The following NKAIN2 variants were observed in gnomAD, a reference collection of about 807,000 sequenced individuals.
NKAIN2 encodes the protein sodium/potassium transporting ATPase interacting 2.
Under a neutral mutation model 32.6 loss-of-function variants are expected in NKAIN2, and 14 were observed. The observed-to-expected ratio is 0.43, with a 90% CI of 0.28 to 0.67. The LOEUF is 0.67. NKAIN2 is among the 30% of genes least tolerant of loss of function. The probability of loss-of-function intolerance (pLI) is 0.17; values close to 1 mark genes in which losing one functional copy is unlikely to be tolerated. For missense variants in NKAIN2, 198 were observed against 258.3 expected (o/e 0.77, Z 1.60); for synonymous variants, 80 against 87.2 (o/e 0.92, Z 0.46).
intron 1 of NKAIN2, among the ~76,000 whole-genome samples, chr6:124,063,060 C>T (rs1782990184): frequency 6.6e-6 from 1 of 151,964 alleles, no homozygotes; most frequent in Non-Finnish European, 1.5e-5. Flanking sequence ...CTGATGGGTT[C>T]CTGTAATCCC....
intron 1 of NKAIN2, chr6:124,282,189 C>T: frequency 3.5e-6 from 1 of 289,014 alleles, no homozygotes; most frequent in Non-Finnish European, 6.8e-6. Flanking sequence ...TGTTTTTCTC[C>T]TCTCACTGCT....
At chr6:124,722,519 G>C (rs2114635495) in intron 4 of NKAIN2, among the ~76,000 whole-genome samples, 1 of 152,288 alleles carries the variant, frequency 6.6e-6, no homozygotes, top group South Asian at 2.1e-4. Flanking sequence ...TGGATCAGCA[G>C]GCATTAGAGT....
At chr6:124,383,244 A>G (rs1583163609) in intron 3 of NKAIN2, among the ~76,000 whole-genome samples, 2 of 152,056 alleles carry the variant, frequency 1.3e-5, no homozygotes, top group South Asian at 2.1e-4. Context: ...GCTGACATCA[A>G]TTATCAACTC....
chr6:123,980,602 CAG>C (rs1478106576), intron 1 of NKAIN2, among the ~76,000 whole-genome samples: 1 of 152,168 alleles, frequency 6.6e-6, no homozygotes, highest in East Asian at 1.9e-4. Flanking sequence ...AATTACAAAA[CAG>C]AAGGCATTCT....
intron 4 of NKAIN2, among the ~76,000 whole-genome samples, chr6:124,749,999 T>A (rs560211160): frequency 6.6e-6 from 1 of 151,772 alleles, no homozygotes; most frequent in South Asian, 2.1e-4. Context: ...ACATGTGATA[T>A]AATTGAAATA....
chr6:123,910,632 T>G (rs1342042981), intron 1 of NKAIN2, among the ~76,000 whole-genome samples: 1 of 150,946 alleles, frequency 6.6e-6, no homozygotes, highest in East Asian at 2.0e-4. Flanking sequence ...GCCTCCTGAG[T>G]AGCTGGGACT....
chr6:123,891,933 T>G (rs968203648), intron 1 of NKAIN2, among the ~76,000 whole-genome samples: 1 of 152,114 alleles, frequency 6.6e-6, no homozygotes, highest in Non-Finnish European at 1.5e-5. Flanking sequence ...CATAAAAGAG[T>G]GAGGCTCATA....
chr6:124,266,505 C>T (rs1336786379), intron 1 of NKAIN2, among the ~76,000 whole-genome samples: 1 of 152,074 alleles, frequency 6.6e-6, no homozygotes, highest in Non-Finnish European at 1.5e-5. Flanking sequence ...TCTTGAACTC[C>T]TGAGCTCTAG....
chr6:124,359,479 G>T (rs1799163661), intron 3 of NKAIN2, among the ~76,000 whole-genome samples: 1 of 152,086 alleles, frequency 6.6e-6, no homozygotes. Flanking sequence ...CTTTGAAGAG[G>T]TCCTTCACAT....
intron 1 of NKAIN2, among the ~76,000 whole-genome samples, chr6:124,131,302 G>A (rs577708675): frequency 7.8e-4 from 119 of 152,152 alleles, no homozygotes; most frequent in African/African-American, 2.3e-3. Context: ...ATGCCGCCAC[G>A]TCTGGCTATT....
At chr6:124,263,646 A>ATAAGGTC (rs1562458579) in intron 1 of NKAIN2, among the ~76,000 whole-genome samples, 3 of 152,230 alleles carry the variant, frequency 2.0e-5, no homozygotes, top group Non-Finnish European at 4.4e-5. Flanking sequence ...AACAGGCCAG[A>ATAAGGTC]TAAGGTCTAA....
chr6:124,712,102 TG>T lies in NKAIN2; in HGVS notation c.474+53722del, dbSNP rs1054122566. Among the ~76,000 whole-genome samples, 16 of 151,458 alleles carry T rather than the reference TG, an allele frequency of 1.1e-4. 1 individual carries two copies. The highest frequency in any genetic ancestry group is 3.6e-4 in the African/African-American group (15 of 41,136). On this transcript the variant is annotated intron_variant, in intron 4 of 6. Transcript: ENST00000368417. ...GTGTGAGGTGTCAGTGTGCCCCTGC[TG>T]GGGGGTGCCTCCCAGTTAGGCTGCT...
At chr6:124,331,396 G>A (rs1175616179) in intron 2 of NKAIN2, among the ~76,000 whole-genome samples, 1 of 147,230 alleles carries the variant, frequency 6.8e-6, no homozygotes, top group East Asian at 2.0e-4. Context: ...GGGCGTGGTG[G>A]CGGATGCCTG....
chr6:124,083,363 C>A (rs1314378875), intron 1 of NKAIN2, among the ~76,000 whole-genome samples: 1 of 151,692 alleles, frequency 6.6e-6, no homozygotes, highest in Non-Finnish European at 1.5e-5. Flanking sequence ...TGTTAGCTGA[C>A]CTTTGTCATT....
chr6:123,852,300 G>A (rs1775381547), intron 1 of NKAIN2, among the ~76,000 whole-genome samples: 1 of 151,408 alleles, frequency 6.6e-6, no homozygotes, highest in African/African-American at 2.4e-5. Flanking sequence ...TTTGTGATGA[G>A]CACTTAAAAT....
intron 1 of NKAIN2, among the ~76,000 whole-genome samples, chr6:123,846,282 TC>T (rs1200768362): frequency 1.3e-5 from 2 of 152,164 alleles, no homozygotes; most frequent in Non-Finnish European, 2.9e-5. Context: ...TTTAGTTAAG[TC>T]CTCATAGGCT....
At chr6:123,847,353 A>G (rs1191801746) in intron 1 of NKAIN2, among the ~76,000 whole-genome samples, 1 of 152,186 alleles carries the variant, frequency 6.6e-6, no homozygotes, top group Non-Finnish European at 1.5e-5. Context: ...AAAAAAAAGT[A>G]ACATATACAA....
chr6:124,499,962 TA>T (rs138561708), intron 3 of NKAIN2, among the ~76,000 whole-genome samples: 2,167 of 152,270 alleles, frequency 0.014, 48 homozygotes, highest in African/African-American at 0.048. Flanking sequence ...TTTCTGAAAG[TA>T]GTAGTATACA....
chr6:124,194,484 A>G (rs1790209507), intron 1 of NKAIN2, among the ~76,000 whole-genome samples: 1 of 152,014 alleles, frequency 6.6e-6, no homozygotes, highest in Non-Finnish European at 1.5e-5. Flanking sequence ...ATACATTTAT[A>G]TTTAATTAAT....
Sources: allele counts gnomAD v4.1 joint callset (sites outside exome capture counted in the v4.1 genomes callset), GRCh38; gene constraint gnomAD v4.1.1; transcripts MANE v1.5; gene names NCBI Gene and HGNC (gene_info 2026-07-23, HGNC 2026-07-21).